EPHB1: variants seen among roughly 807,000 people sequenced by gnomAD.
EPHB1 encodes ephrin type-B receptor 1.
EPHB1 carries 30 observed loss-of-function variants against 94.4 expected under a neutral mutation model. The observed-to-expected ratio is 0.32, with a 90% CI of 0.24 to 0.43. The LOEUF is 0.43. Among genes scored for constraint, EPHB1 ranks in the 20% least tolerant of loss-of-function variants. EPHB1 has a pLI of 1.00. For missense variants in EPHB1, 1,055 were observed against 1,308.3 expected, an observed-to-expected ratio of 0.81 and a Z score of 2.99; for synonymous variants, 522 against 489.1, an observed-to-expected ratio of 1.07 and a Z score of -0.89.
intron 9 of EPHB1, among the ~76,000 whole-genome samples, chr3:135,169,249 A>G (rs1028220772): frequency 6.6e-6 from 1 of 152,172 alleles, no homozygotes; most frequent in African/African-American, 2.4e-5. Context: ...TGCTGGAACA[A>G]GGGAGGACAG....
intron 3 of EPHB1, among the ~76,000 whole-genome samples, chr3:134,954,023 G>C (rs1333328763): frequency 1.3e-5 from 2 of 152,334 alleles, no homozygotes; most frequent in East Asian, 3.9e-4. Flanking sequence ...TCATTGGAGG[G>C]TAAAGGAAAT....
Position 135,256,880 on chromosome 3 carries a change from A to ACATAGTCCCATATTT in EPHB1, c.2847-2130_2847-2116dup, listed in dbSNP as rs1404586325. ...AATCAGACGTAGATTTGGTCTTTTC[A>ACATAGTCCCATATTT]CATAGTCCCATATTTCTTGGAGGCT... is the stretch of plus-strand genomic sequence containing the variant. On this transcript the variant is annotated intron_variant, in intron 15 of 15. Transcript: ENST00000398015. 2.7e-4 allele frequency among the ~76,000 whole-genome samples: 40 copies of ACATAGTCCCATATTT among 149,064 alleles called. No individual in the cohort carries two copies. The South Asian group carries it at 8.9e-3, about 33-fold the overall frequency.
intron 2 of EPHB1, among the ~76,000 whole-genome samples, chr3:134,944,515 C>A (rs1311440415): frequency 6.6e-6 from 1 of 152,206 alleles, no homozygotes; most frequent in African/African-American, 2.4e-5. Context: ...ACCTTATTTT[C>A]TTTTAGTCTA....
At chr3:135,226,581 T>A (rs1212789022) in intron 12 of EPHB1, among the ~76,000 whole-genome samples, 1 of 152,172 alleles carries the variant, frequency 6.6e-6, no homozygotes, top group Non-Finnish European at 1.5e-5. Flanking sequence ...TGAATTCGAC[T>A]CTTTCCCTGT....
At chr3:134,907,599 A>G (rs1278836690) in intron 1 of EPHB1, among the ~76,000 whole-genome samples, 1 of 152,178 alleles carries the variant, frequency 6.6e-6, no homozygotes, top group East Asian at 1.9e-4. Context: ...ATTGCATTAC[A>G]TACATTAGAT....
intron 11 of EPHB1, among the ~76,000 whole-genome samples, chr3:135,198,298 A>C (rs561938730): frequency 6.6e-6 from 1 of 152,386 alleles, no homozygotes; most frequent in Non-Finnish European, 1.5e-5. Context: ...GGCTGATCAC[A>C]TACATTTTCT....
chr3:135,143,815 G>T (rs967562698), intron 5 of EPHB1, among the ~76,000 whole-genome samples: 3 of 152,182 alleles, frequency 2.0e-5, no homozygotes, highest in South Asian at 2.1e-4. Flanking sequence ...CAGAATGCAG[G>T]TTTGCTATAG....
In EPHB1 at chr3:134,886,328, C is replaced by G. The variant is rs562352321; in HGVS notation, c.59-39488C>G. ...AACACTTACTCTGGCCAGTCATTCT[C>G]TACGTGCTTGACAGGAAGTAACTGA... On this transcript the variant is annotated intron_variant, in intron 1 of 15. Transcript: ENST00000398015. 7.7e-4 allele frequency among the ~76,000 whole-genome samples: 117 copies of G among 152,212 alleles called. 1 individual carries two copies. The highest frequency in any genetic ancestry group is 9.8e-4 in the Admixed American group (15 of 15,286).
chr3:135,057,268 A>G (rs1937376042), intron 3 of EPHB1, among the ~76,000 whole-genome samples: 1 of 152,276 alleles, frequency 6.6e-6, no homozygotes, highest in Middle Eastern at 3.4e-3. Context: ...GAGAAAGAGA[A>G]GAAGTCACAG....
intron 1 of EPHB1, among the ~76,000 whole-genome samples, chr3:134,874,282 C>T (rs911031695): frequency 3.9e-5 from 6 of 152,048 alleles, no homozygotes; most frequent in African/African-American, 7.2e-5. Flanking sequence ...AGCCGAACAC[C>T]GCATGTTCTC....
intron 7 of EPHB1, among the ~76,000 whole-genome samples, chr3:135,164,523 T>C (rs1941595992): frequency 6.6e-6 from 1 of 152,086 alleles, no homozygotes; most frequent in South Asian, 2.1e-4. Context: ...TTAAGAAGTA[T>C]TGTCAGTGGG....
At chr3:134,860,369 GC>G (rs1317454634) in intron 1 of EPHB1, among the ~76,000 whole-genome samples, 1 of 152,114 alleles carries the variant, frequency 6.6e-6, no homozygotes, top group Non-Finnish European at 1.5e-5. Context: ...AAAGAAAGGG[GC>G]CATCTGTTCC....
At chr3:134,921,879 GAGAC>G (rs1429021594) in intron 1 of EPHB1, among the ~76,000 whole-genome samples, 1 of 152,204 alleles carries the variant, frequency 6.6e-6, no homozygotes, top group Non-Finnish European at 1.5e-5. Context: ...GAGATGGAGA[GAGAC>G]AGAGGGAGGG....
intron 4 of EPHB1, among the ~76,000 whole-genome samples, chr3:135,115,574 T>A (rs1032029413): frequency 1.1e-4 from 16 of 152,266 alleles, no homozygotes; most frequent in Admixed American, 7.2e-4. Context: ...TGATTTGATT[T>A]TTTTTTTCTT....
At chr3:134,971,662 T>G (rs77249674) in intron 3 of EPHB1, among the ~76,000 whole-genome samples, 2,520 of 152,206 alleles carry the variant, frequency 0.017, 48 homozygotes, top group African/African-American at 0.045. Flanking sequence ...ACTAGTCCCT[T>G]TAGGTACCAT....
intron 6 of EPHB1, among the ~76,000 whole-genome samples, chr3:135,155,788 A>T (rs927279670): frequency 1.2e-4 from 5 of 40,198 alleles, no homozygotes; most frequent in Non-Finnish European, 1.9e-4. Context: ...AGACTTTGTC[A>T]AAAAAAAAAA....
At chr3:135,118,452 T>C (rs1039106886) in intron 4 of EPHB1, among the ~76,000 whole-genome samples, 5 of 152,216 alleles carry the variant, frequency 3.3e-5, no homozygotes, top group Middle Eastern at 3.2e-3. Flanking sequence ...GGTTCCAATT[T>C]ATAGATGAAG....
intron 3 of EPHB1, among the ~76,000 whole-genome samples, chr3:134,959,014 G>T (rs1933396364): frequency 6.6e-6 from 1 of 152,200 alleles, no homozygotes; most frequent in Non-Finnish European, 1.5e-5. Flanking sequence ...TACTGATCAT[G>T]ATTTGGCAGC....
intron 12 of EPHB1, among the ~76,000 whole-genome samples, chr3:135,229,372 A>C (rs1385840457): frequency 6.6e-6 from 1 of 152,242 alleles, no homozygotes; most frequent in Admixed American, 6.5e-5. Context: ...CCAAGAAGGA[A>C]GTGCAGTTCA....
Sources: gnomAD v4.1 joint callset for allele counts (sites outside exome capture counted in the v4.1 genomes callset) on GRCh38, gnomAD v4.1.1 for gene constraint, MANE v1.5 for transcripts, NCBI Gene and HGNC (gene_info 2026-07-23, HGNC 2026-07-21) for gene names.